Variants in PRICKLE2 observed in about 807,000 individuals in gnomAD.
The protein encoded by PRICKLE2 is prickle-like protein 2.
A neutral mutation model predicts 81.4 loss-of-function variants in PRICKLE2; 21 were observed. That is an observed-to-expected ratio of 0.26 (90% CI 0.18 to 0.37). The LOEUF is 0.37. Among genes scored for constraint, PRICKLE2 ranks in the 10% least tolerant of loss-of-function variants. The pLI is 1.00. For missense variants in PRICKLE2, 940 were observed against 1,109.0 expected (o/e 0.85, Z 2.16); for synonymous variants, 456 against 421.5 (o/e 1.08, Z -1.00).
intron 2 of PRICKLE2, among the ~76,000 whole-genome samples, chr3:64,184,641 T>A (rs556709681): frequency 6.7e-6 from 1 of 150,016 alleles, no homozygotes; most frequent in African/African-American, 2.5e-5. Flanking sequence ...CTGACTGATT[T>A]AAAAAAAAAA....
Position 64,099,158 on chromosome 3 carries a change from G to A in PRICKLE2, c.2428C>T (p.Leu810=). 6.2e-7 allele frequency: 1 copy of A among 1,614,252 alleles called. No homozygotes were observed. Among genetic ancestry groups the A allele is most frequent in the South Asian group, 1.1e-5 (1 of 91,088 alleles). Residue 810 remains leucine, a synonymous_variant, in exon 8 of 8, where the codon CTG becomes TTG. Coordinates refer to ENST00000638394, the MANE Select transcript of PRICKLE2 (RefSeq NM_198859.4). This position sits in a 1 kb window ranked among gnomAD's most constrained non-coding sequence, Gnocchi z 4.3. ...RLRYVTSDEL[L]HKYSSYGLPK... Reference sequence around the variant, plus strand: ...AGGCCGTAGGAGCTGTATTTGTGCAGCAGCTCATCGCTTGTGACGTATCGC... The same window carrying A: ...AGGCCGTAGGAGCTGTATTTGTGCAACAGCTCATCGCTTGTGACGTATCGC...
chr3:64,184,423 C>T (rs993968399), intron 2 of PRICKLE2, among the ~76,000 whole-genome samples: 3 of 152,102 alleles, frequency 2.0e-5, no homozygotes, highest in Non-Finnish European at 2.9e-5. Flanking sequence ...GAAAATGGTC[C>T]CACTGATCAT....
intron 1 of PRICKLE2, 58 bp downstream of exon 1, chr3:64,224,852 C>G: frequency 1.1e-6 from 1 of 947,410 alleles, no homozygotes; most frequent in Non-Finnish European, 1.3e-6. Context: ...GCTTTCTCAT[C>G]CTCCTTAGAA....
intron 7 of PRICKLE2, among the ~76,000 whole-genome samples, chr3:64,127,989 T>A (rs1176181054): frequency 1.3e-5 from 2 of 151,818 alleles, no homozygotes; most frequent in African/African-American, 4.8e-5. Context: ...ACAGCTGAGG[T>A]CAAGCAACCA....
At chr3:64,255,665 T>G (rs2079515144) in intron 2 of PRICKLE2, among the ~76,000 whole-genome samples, 1 of 152,136 alleles carries the variant, frequency 6.6e-6, no homozygotes, top group South Asian at 2.1e-4. Context: ...AACAGAGAAC[T>G]CTAGTTACTT....
At chr3:64,121,345 GA>G (rs2077024762) in intron 7 of PRICKLE2, among the ~76,000 whole-genome samples, 1 of 152,026 alleles carries the variant, frequency 6.6e-6, no homozygotes, top group Admixed American at 6.5e-5. Context: ...AAAGAAGATA[GA>G]AAATGCATTG....
At position 64,263,556 on chromosome 3, in the gene PRICKLE2, A is replaced by G. The variant is rs114748335; in HGVS notation, c.129-64589T>C. 1.7e-3 allele frequency among the ~76,000 whole-genome samples: 254 copies of G among 152,290 alleles called. 2 individuals are homozygous for G. Among genetic ancestry groups the G allele is most frequent in the South Asian group, 2.7e-3 (13 of 4,816 alleles). On this transcript the variant is annotated intron_variant, in intron 2 of 8. Coordinates refer to the PRICKLE2 transcript ENST00000295902. ...AGGATTACACTCAGAATGGGGGGAT[A>G]TACAGAGAATGCAGGAAGGGCTGCA...
chr3:64,267,173 A>T lies in PRICKLE2; in HGVS notation c.129-68206T>A, dbSNP rs138948891. On this transcript the variant is annotated intron_variant, in intron 2 of 8. Transcript: ENST00000295902. ...TTCACCAAGTCCTGACTCTTCCAGC[A>T]TCTGAGAGGGTGCATTTGGCAACTT... Among the ~76,000 whole-genome samples the T allele has an allele frequency of 3.9e-5, 6 of 152,260 alleles. No individual in the cohort carries two copies. The East Asian group carries it at 9.7e-4, about 25-fold the overall frequency.
At chr3:64,152,213 C>T (rs2077558982) in intron 6 of PRICKLE2, among the ~76,000 whole-genome samples, 1 of 152,186 alleles carries the variant, frequency 6.6e-6, no homozygotes, top group African/African-American at 2.4e-5. Flanking sequence ...CTCTGTATCT[C>T]CTCACTCTAG....
At chr3:64,214,446 A>G (rs1436243544) in intron 1 of PRICKLE2, among the ~76,000 whole-genome samples, 1 of 152,190 alleles carries the variant, frequency 6.6e-6, no homozygotes, top group African/African-American at 2.4e-5. Context: ...TCAAGTCCGA[A>G]GAAAGAAACA....
chr3:64,236,463 C>G (rs952870534), intron 2 of PRICKLE2, among the ~76,000 whole-genome samples: 10 of 152,166 alleles, frequency 6.6e-5, no homozygotes, highest in Non-Finnish European at 5.9e-5. Flanking sequence ...CCTAGGGACA[C>G]TGTCACATCT....
upstream of PRICKLE2, among the ~76,000 whole-genome samples, chr3:64,227,020 T>C (rs149754763): frequency 1.6e-3 from 244 of 152,382 alleles, no homozygotes; most frequent in African/African-American, 5.5e-3. Flanking sequence ...CTGCAGTTCC[T>C]GAAGCTTCAA....
intron 7 of PRICKLE2, among the ~76,000 whole-genome samples, chr3:64,109,802 C>G (rs1040137751): frequency 3.3e-5 from 5 of 152,208 alleles, no homozygotes; most frequent in Non-Finnish European, 7.3e-5. Context: ...ATTCTAGGGA[C>G]TTGCCTTTGA....
intron 1 of PRICKLE2, among the ~76,000 whole-genome samples, chr3:64,215,576 C>G (rs1419659599): frequency 6.6e-6 from 1 of 152,154 alleles, no homozygotes; most frequent in Non-Finnish European, 1.5e-5. Flanking sequence ...CAAGATATGA[C>G]CAAAGCGTAA....
At chr3:64,100,527 T>A (rs2076642388) in intron 7 of PRICKLE2, 1 of 155,042 alleles carries the variant, frequency 6.4e-6, no homozygotes, top group East Asian at 1.9e-4. Flanking sequence ...TAGAGAAATA[T>A]TTACTCTCTC....
intron 1 of PRICKLE2, among the ~76,000 whole-genome samples, chr3:64,215,641 A>G (rs1390785878): frequency 1.3e-5 from 2 of 152,200 alleles, no homozygotes; most frequent in Non-Finnish European, 2.9e-5. Context: ...TATTGCTACA[A>G]TGATGTCAAA....
At chr3:64,237,433 A>G (rs889825077) in intron 2 of PRICKLE2, among the ~76,000 whole-genome samples, 4 of 152,060 alleles carry the variant, frequency 2.6e-5, no homozygotes, top group Admixed American at 1.3e-4. Flanking sequence ...GAGTTCGGCC[A>G]TCTCCGGCCG....
At chr3:64,252,756 C>A (rs570112936) in intron 2 of PRICKLE2, among the ~76,000 whole-genome samples, 16 of 152,174 alleles carry the variant, frequency 1.1e-4, no homozygotes, top group Non-Finnish European at 1.8e-4. Flanking sequence ...AGGGGTAAAA[C>A]CTCACTGGAT....
At position 64,225,101 on chromosome 3, in the gene PRICKLE2, A is replaced by C. The variant is rs1053533657; in HGVS notation, c.-232T>G. 2.0e-5 allele frequency: 20 copies of C among 985,306 alleles called. No homozygotes were observed. Among genetic ancestry groups the C allele is most frequent in the Non-Finnish European group, 1.9e-5 (16 of 830,012 alleles). The allele number at this position is 985,306 out of a possible 1,614,324, so 61.0% of individuals were successfully genotyped here. A position where few individuals can be genotyped will look rare whatever the true frequency, so the allele number is the denominator to read the frequency against. ...CCTTCCTGAAGCTGGCAACAGACTCAAGCCGAGCTGCTCCACATTCCCTCA... is the reference window on the plus strand; with the variant it reads ...CCTTCCTGAAGCTGGCAACAGACTCCAGCCGAGCTGCTCCACATTCCCTCA... On this transcript the variant is annotated 5_prime_UTR_variant, in exon 1 of 8. An upstream open reading frame in the 5' UTR loses its in-frame stop. Transcript: ENST00000638394.
Sources: allele counts gnomAD v4.1 joint callset (sites outside exome capture counted in the v4.1 genomes callset), GRCh38; gene constraint gnomAD v4.1.1; non-coding constraint Gnocchi (gnomAD v3.1); transcripts MANE v1.5; gene names NCBI Gene and HGNC (gene_info 2026-07-23, HGNC 2026-07-21).